PCDHGA12: variants seen among roughly 807,000 people sequenced by gnomAD.
PCDHGA12 encodes the protein protocadherin gamma subfamily A, 12, also known as protocadherin gamma-A12.
In PCDHGA12, 43 loss-of-function variants were observed where a neutral mutation model predicts 61.1. The observed-to-expected ratio is 0.70, with a 90% CI of 0.55 to 0.91. The LOEUF is 0.91. PCDHGA12 is among the 40% of genes least tolerant of loss of function. The probability of loss-of-function intolerance (pLI) is 0.00; values close to 1 mark genes in which losing one functional copy is unlikely to be tolerated. For missense variants in PCDHGA12, 1,236 were observed against 1,227.7 expected (o/e 1.01, Z -0.10); for synonymous variants, 520 against 542.9 (o/e 0.96, Z 0.59).
chr5:141,498,726 G>T (rs2099785379), intron 2 of PCDHGA12, among the ~76,000 whole-genome samples: 1 of 152,172 alleles, frequency 6.6e-6, no homozygotes, highest in Admixed American at 6.5e-5. Context: ...GAGGTCAGGA[G>T]TTTGAGACCA....
intron 1 of PCDHGA12, among the ~76,000 whole-genome samples, chr5:141,463,518 G>T (rs537466389): frequency 7.2e-6 from 1 of 139,068 alleles, no homozygotes; most frequent in African/African-American, 2.8e-5. Context: ...GCGTGATCTC[G>T]GCTTACTAGA....
chr5:141,482,601 A>T (rs1158399317), intron 1 of PCDHGA12, among the ~76,000 whole-genome samples: 1 of 152,002 alleles, frequency 6.6e-6, no homozygotes, highest in Non-Finnish European at 1.5e-5. Flanking sequence ...ACGGGAAAAA[A>T]CACCTAAATG....
Position 141,489,767 on chromosome 5 carries a change from G to T in PCDHGA12, c.2425-5040G>T, listed in dbSNP as rs2099691977. On this transcript the variant is annotated intron_variant, in intron 1 of 3. Transcript: ENST00000252085. This position sits in a 1 kb window ranked among gnomAD's most constrained non-coding sequence, Gnocchi z 4.5. ...AGCTTTTACACTCTAAGCCCCAACA[G>T]CCACTTCTCTCTGAATGTGAAGACC... The T allele has an allele frequency of 6.2e-7, 1 of 1,614,028 alleles. No homozygotes were observed. Among genetic ancestry groups the T allele is most frequent in the African/African-American group, 1.3e-5 (1 of 74,938 alleles).
intron 1 of PCDHGA12, among the ~76,000 whole-genome samples, chr5:141,464,557 C>A (rs1342964264): frequency 6.6e-6 from 1 of 152,132 alleles, no homozygotes; most frequent in Non-Finnish European, 1.5e-5. Context: ...CCCCATCTTG[C>A]ATTCCTACAA....
At chr5:141,463,741 C>T (rs1011021860) in intron 1 of PCDHGA12, among the ~76,000 whole-genome samples, 3 of 152,034 alleles carry the variant, frequency 2.0e-5, no homozygotes, top group Admixed American at 1.3e-4. Context: ...CCACCGCGCC[C>T]GGCCTGCTTC....
chr5:141,490,257 T>C lies in PCDHGA12; in HGVS notation c.2425-4550T>C, dbSNP rs2099697852. On this transcript the variant is annotated intron_variant, in intron 1 of 3. Coordinates refer to ENST00000252085, the MANE Select transcript of PCDHGA12 (RefSeq NM_003735.3). The surrounding 1 kb of genome is among the most constrained non-coding windows in gnomAD (Gnocchi z 5.4). ...AGGGCCACTGTGTGATTCAAGTGGATGTGGGGGATGTCAATGACAATGCCC... is the reference window on the plus strand; with the variant it reads ...AGGGCCACTGTGTGATTCAAGTGGACGTGGGGGATGTCAATGACAATGCCC... The C allele has an allele frequency of 6.2e-7, 1 of 1,614,208 alleles. No individual in the cohort carries two copies. Among genetic ancestry groups the C allele is most frequent in the South Asian group, 1.1e-5 (1 of 91,078 alleles).
At position 141,486,891 on chromosome 5, in the gene PCDHGA12, G is replaced by C. The variant is rs201201426; in HGVS notation, c.2425-7916G>C. On this transcript the variant is annotated intron_variant, in intron 1 of 3. Transcript: ENST00000252085. This position sits in a 1 kb window ranked among gnomAD's most constrained non-coding sequence, Gnocchi z 5.0. ...GTGCTCCGTCCTCGGGCCCGGCCTGGTTCCTTATGTCCCCAAGCACTGCCT... is the reference window on the plus strand; with the variant it reads ...GTGCTCCGTCCTCGGGCCCGGCCTGCTTCCTTATGTCCCCAAGCACTGCCT... 14 of 1,614,118 alleles carry C rather than the reference G, an allele frequency of 8.7e-6. No homozygotes were observed. The highest frequency in any genetic ancestry group is 3.3e-5 in the Admixed American group (2 of 60,008).
rs2099756055 is a variant in PCDHGA12, at chr5:141,494,679, C to T, written c.2425-128C>T. The T allele has an allele frequency of 3.9e-6, 6 of 1,556,494 alleles. No homozygotes were observed. In the South Asian group the frequency reaches 4.7e-5, roughly 12 times the overall value. ...GTCTTTGGAGATGAGTCCACCCCTG[C>T]CCCCTCTTAGTCCGTTTTCTTCTCT... is the stretch of plus-strand genomic sequence containing the variant. On this transcript the variant is annotated intron_variant, in intron 1 of 3. Coordinates refer to ENST00000252085, the MANE Select transcript of PCDHGA12 (RefSeq NM_003735.3).
At chr5:141,449,022 A>G (rs2154562454) in intron 1 of PCDHGA12, among the ~76,000 whole-genome samples, 1 of 152,312 alleles carries the variant, frequency 6.6e-6, no homozygotes, top group Admixed American at 6.5e-5. Context: ...GTTGCTTAGC[A>G]TTCCTTTGGA....
At position 141,430,950 on chromosome 5, in the gene PCDHGA12, TC is replaced by T. The variant is rs1353555538; in HGVS notation, c.193del (p.Arg65AlafsTer13). 6.2e-7 allele frequency: 1 copy of T among 1,609,980 alleles called. No homozygotes were observed. The highest frequency in any genetic ancestry group is 2.2e-5 in the East Asian group (1 of 44,838). On this transcript the variant is annotated frameshift_variant, in exon 1 of 4. Transcript: ENST00000252085. LOFTEE classifies it high-confidence loss of function. ...CCCCGGGAGCTCGCGGAGCGCGGAG[TC>T]CGCATCATCCCCAGAGGTAGGACGC... ...LEPRELAERG[V>X]RIIPRGRTQL...
Position 141,490,563 on chromosome 5 carries a change from G to C in PCDHGA12, c.2425-4244G>C. On this transcript the variant is annotated intron_variant, in intron 1 of 3. Coordinates refer to ENST00000252085, the MANE Select transcript of PCDHGA12 (RefSeq NM_003735.3). This position sits in a 1 kb window ranked among gnomAD's most constrained non-coding sequence, Gnocchi z 5.4. ...CCCTACACAAACATCTCACCATCAG[G>C]CTCAACATTTCAGATGTCAATGACA... 1 of 1,614,022 alleles carries C rather than the reference G, an allele frequency of 6.2e-7. No individual in the cohort carries two copies. Among genetic ancestry groups the C allele is most frequent in the Non-Finnish European group, 8.5e-7 (1 of 1,180,008 alleles).
chr5:141,503,214 T>C (rs994291483), intron 2 of PCDHGA12, among the ~76,000 whole-genome samples: 7 of 152,096 alleles, frequency 4.6e-5, no homozygotes, highest in African/African-American at 1.7e-4. Flanking sequence ...GTGCCCACCA[T>C]GAGCACCGTA....
intron 1 of PCDHGA12, among the ~76,000 whole-genome samples, chr5:141,470,845 G>T (rs1381257094): frequency 1.3e-5 from 2 of 151,972 alleles, no homozygotes; most frequent in African/African-American, 4.8e-5. Flanking sequence ...ACGCCACCAT[G>T]CTCAGATAAG....
chr5:141,478,752 G>A (rs2099475483), intron 1 of PCDHGA12: 2 of 1,521,420 alleles, frequency 1.3e-6, no homozygotes, highest in South Asian at 1.3e-5. Context: ...CATTTCAGGG[G>A]GAAGATACTT....
In PCDHGA12 at chr5:141,491,177, T is replaced by G; in HGVS notation, c.2425-3630T>G. The G allele has an allele frequency of 6.2e-7, 1 of 1,614,158 alleles. No homozygotes were observed. Among genetic ancestry groups the G allele is most frequent in the Non-Finnish European group, 8.5e-7 (1 of 1,180,010 alleles). Reference sequence around the variant, plus strand: ...GACTCTGACACCCAGCAGGTGGTGGTCCTGGTGAGGGACAATGGTGACCCT... The same window carrying G: ...GACTCTGACACCCAGCAGGTGGTGGGCCTGGTGAGGGACAATGGTGACCCT... On this transcript the variant is annotated intron_variant, in intron 1 of 3. Transcript: ENST00000252085. This position sits in a 1 kb window ranked among gnomAD's most constrained non-coding sequence, Gnocchi z 6.9.
chr5:141,470,019 C>G (rs2099219272), intron 1 of PCDHGA12, among the ~76,000 whole-genome samples: 1 of 152,154 alleles, frequency 6.6e-6, no homozygotes, highest in South Asian at 2.1e-4. Context: ...ATCCCAGCTA[C>G]TCGGGATGCT....
At chr5:141,451,925 G>A (rs1391178313) in intron 1 of PCDHGA12, among the ~76,000 whole-genome samples, 2 of 152,012 alleles carry the variant, frequency 1.3e-5, no homozygotes, top group East Asian at 3.8e-4. Context: ...AGGAAGGGAG[G>A]TAGGGAGGCA....
Position 141,490,765 on chromosome 5 carries a change from G to A in PCDHGA12, c.2425-4042G>A. The A allele has an allele frequency of 6.2e-7, 1 of 1,614,076 alleles. No individual in the cohort carries two copies. The highest frequency in any genetic ancestry group is 8.5e-7 in the Non-Finnish European group (1 of 1,179,914). ...AGCCCCAGCCTCCTCCTTTGTGTAT[G>A]TCAACCCAGAGGATGGACGGATCTT... On this transcript the variant is annotated intron_variant, in intron 1 of 3. Coordinates refer to ENST00000252085, the MANE Select transcript of PCDHGA12 (RefSeq NM_003735.3). This position sits in a 1 kb window ranked among gnomAD's most constrained non-coding sequence, Gnocchi z 5.4.
Position 141,491,262 on chromosome 5 carries a change from G to A in PCDHGA12, c.2425-3545G>A. ...TGGAGGATGAGGACCCTGAGGAAATGCCCAAATCCAGTGACTTCCTCATAC... is the reference window on the plus strand; with the variant it reads ...TGGAGGATGAGGACCCTGAGGAAATACCCAAATCCAGTGACTTCCTCATAC... On this transcript the variant is annotated intron_variant, in intron 1 of 3. Transcript: ENST00000252085. The surrounding 1 kb of genome is among the most constrained non-coding windows in gnomAD (Gnocchi z 6.9). 2 of 1,614,122 alleles carry A rather than the reference G, an allele frequency of 1.2e-6. No individual in the cohort carries two copies. Among genetic ancestry groups the A allele is most frequent in the Non-Finnish European group, 1.7e-6 (2 of 1,179,952 alleles).
Sources: gnomAD v4.1 joint callset for allele counts (sites outside exome capture counted in the v4.1 genomes callset) on GRCh38, gnomAD v4.1.1 for gene constraint, Gnocchi (gnomAD v3.1) non-coding constraint, MANE v1.5 for transcripts, NCBI Gene and HGNC (gene_info 2026-07-23, HGNC 2026-07-21) for gene names.